Variants in NCAPD3 observed in about 807,000 individuals in gnomAD.
NCAPD3 encodes the protein non-SMC condensin II complex subunit D3.
NCAPD3 carries 105 observed loss-of-function variants against 182.9 expected under a neutral mutation model. The observed-to-expected ratio is 0.57, with a 90% CI of 0.49 to 0.68. The LOEUF (loss-of-function observed/expected upper bound fraction) is 0.68. NCAPD3 is among the 30% of genes least tolerant of loss of function. The pLI is 0.00. For synonymous variants in NCAPD3, 815 were observed against 679.9 expected, an observed-to-expected ratio of 1.20 and a Z score of -3.09; for missense variants, 1,944 against 1,837.0, an observed-to-expected ratio of 1.06 and a Z score of -1.07.
Position 134,210,297 on chromosome 11 carries a change from T to C in NCAPD3, c.540A>G (p.Gly180=), listed in dbSNP as rs780288813. ...CAATATCTTCTCTCCTGGGTGGCTT[T>C]CCCCTTTTTCTATGCCTCCCGGGGT... ...QANPGRHRKR[G]KPPRREDIEM... is the part of the protein sequence containing the mutation. Residue 180 remains glycine, a synonymous_variant, in exon 4 of 35, where the codon GGA becomes GGG. Transcript: ENST00000534548. The C allele has an allele frequency of 7.4e-6, 12 of 1,613,734 alleles. No homozygotes were observed. Among genetic ancestry groups the C allele is most frequent in the Non-Finnish European group, 9.3e-6 (11 of 1,179,932 alleles).
At position 134,160,071 on chromosome 11, in the gene NCAPD3, C is replaced by T. The variant is rs1943534282; in HGVS notation, c.3688G>A (p.Val1230Met). The T allele has an allele frequency of 6.2e-7, 1 of 1,613,740 alleles. No individual in the cohort carries two copies. Among genetic ancestry groups the T allele is most frequent in the Non-Finnish European group, 8.5e-7 (1 of 1,179,836 alleles). The change falls in exon 29 of 35, where the codon GTG becomes ATG. Residue 1230 changes from valine to methionine, a missense_variant. By Grantham distance (21) the Val-to-Met change is conservative (BLOSUM62 1). This residue lies in a region of NCAPD3 where 1,803 missense variants were observed against 1,674.6 expected (regional missense o/e 1.08). Transcript: ENST00000534548. ...AGCTCATCTCGGTAATCCTGCATCA[C>T]CTCCTGAAACAGAGCCAGGAGCATC... is the stretch of plus-strand genomic sequence containing the variant. ...LRELMHYLRE[V>M]MQDYRDELKD...
chr11:134,203,897 G>A lies in NCAPD3; in HGVS notation c.1225C>T (p.Arg409Trp), dbSNP rs1395245056. The change falls in exon 11 of 35, where the codon CGG becomes TGG. Residue 409 changes from arginine (R) to tryptophan (W), a missense_variant. By Grantham distance (101) the Arg-to-Trp change is moderately radical. Around this residue, in one of 3 missense-constraint regions of NCAPD3, gnomAD observed 1,803 missense variants for 1,674.6 expected, o/e 1.08. Coordinates refer to ENST00000534548, the MANE Select transcript of NCAPD3 (RefSeq NM_015261.3). The stretch of plus-strand genomic sequence containing the variant: ...AAGACAACATCAAGAGTAAAAACCC[G>A]GTGTGGGATCTGGTAAAGCAAGATC... ...KYSRSSKIPHRVFTLDVVLAL... is the reference protein window; with the variant it reads ...KYSRSSKIPHWVFTLDVVLAL... 3.7e-6 allele frequency: 6 copies of A among 1,613,508 alleles called. No individual in the cohort carries two copies. The highest frequency in any genetic ancestry group is 1.7e-5 in the Admixed American group (1 of 59,990).
At position 134,209,123 on chromosome 11, in the gene NCAPD3, A is replaced by G. The variant is rs115150094; in HGVS notation, c.794+22T>C. ...TGGTACACTATACTTAAATTGTAGC[A>G]CTGGAAGATTTAATGGCTCACCTGG... On this transcript the variant is annotated intron_variant, in intron 6 of 34. Transcript: ENST00000534548. 168 of 1,606,246 alleles carry G rather than the reference A, an allele frequency of 1.0e-4. 2 individuals carry two copies. The African/African-American group carries it at 2.1e-3, about 20-fold the overall frequency.
chr11:134,153,496 C>T, intron 32 of NCAPD3, 133 bp from the exon 33 acceptor site: 2 of 872,230 alleles, frequency 2.3e-6, no homozygotes, highest in Non-Finnish European at 3.8e-6. Flanking sequence ...TCCACTGGAC[C>T]CTGTCCCAGG....
At chr11:134,223,275 T>C (rs1478155950) in intron 1 of NCAPD3, 1 of 606,018 alleles carries the variant, frequency 1.7e-6, no homozygotes, top group East Asian at 2.8e-5. Flanking sequence ...TGCTCGAGGC[T>C]ATGATGAAGG....
At chr11:134,189,933 G>T (rs1011526141) in intron 16 of NCAPD3, among the ~76,000 whole-genome samples, 1 of 151,888 alleles carries the variant, frequency 6.6e-6, no homozygotes, top group Non-Finnish European at 1.5e-5. Context: ...TTTTAGGTGT[G>T]GCTCTTATAA....
intron 2 of NCAPD3, among the ~76,000 whole-genome samples, chr11:134,218,555 TC>T (rs1938114442): frequency 1.3e-5 from 2 of 152,182 alleles, no homozygotes; most frequent in African/African-American, 4.8e-5. Context: ...TTGCTCTTTT[TC>T]CCTTATTCCC....
At chr11:134,165,035 G>A (rs539303755) in intron 27 of NCAPD3, among the ~76,000 whole-genome samples, 2 of 150,484 alleles carry the variant, frequency 1.3e-5, no homozygotes, top group East Asian at 2.0e-4. Context: ...GATGAGCTTA[G>A]AGGAGCTGCA....
intron 14 of NCAPD3, 135 bp downstream of exon 14, chr11:134,194,530 C>T: frequency 1.8e-6 from 1 of 564,224 alleles, no homozygotes; most frequent in East Asian, 3.0e-5. Context: ...TCATATACAA[C>T]AGGATCAGGG....
At chr11:134,178,965 A>G in intron 20 of NCAPD3, 29 bp from the exon 21 acceptor site, 2 of 1,495,208 alleles carry the variant, frequency 1.3e-6, no homozygotes, top group Non-Finnish European at 1.9e-6. Flanking sequence ...TTACAGTAAA[A>G]ATAAGGCAAA....
At chr11:134,220,452 T>C (rs1322105609) in intron 2 of NCAPD3, 120 bp downstream of exon 2, 6 of 845,064 alleles carry the variant, frequency 7.1e-6, no homozygotes, top group African/African-American at 1.7e-5. Context: ...TTCTTTATGT[T>C]ACTCATATTG....
chr11:134,155,355 G>C (rs1943391007), intron 32 of NCAPD3, among the ~76,000 whole-genome samples: 1 of 152,140 alleles, frequency 6.6e-6, no homozygotes, highest in South Asian at 2.1e-4. Context: ...ACAGAACTGA[G>C]TGCTTTTAAA....
intron 15 of NCAPD3, among the ~76,000 whole-genome samples, chr11:134,193,750 T>C (rs1944569938): frequency 6.6e-6 from 1 of 152,074 alleles, no homozygotes; most frequent in Admixed American, 6.6e-5. Context: ...CAGGACTCTG[T>C]CTCAAAAATA....
chr11:134,164,585 T>C (rs1251653355), intron 27 of NCAPD3, among the ~76,000 whole-genome samples: 1 of 151,802 alleles, frequency 6.6e-6, no homozygotes, highest in Non-Finnish European at 1.5e-5. Context: ...CACACTCACT[T>C]GTGACATGAG....
rs1943177931 is a variant in NCAPD3, at chr11:134,150,322, CA to C, written c.*2621del. Reference sequence around the variant, plus strand: ...CTGCCTCTTCCTGAGATGACTAGGACAGTCTGTACCCAGAGGCCACCCAGAA... The same window carrying C: ...CTGCCTCTTCCTGAGATGACTAGGACGTCTGTACCCAGAGGCCACCCAGAA... On this transcript the variant is annotated 3_prime_UTR_variant, in exon 35 of 35. Transcript: ENST00000534548. 6.6e-6 allele frequency: 1 copy of C among 152,346 alleles called. No homozygotes were observed. 9.4% of individuals were successfully genotyped at this position (152,346 alleles called of 1,614,324 possible).
At chr11:134,164,872 C>T (rs1411645221) in intron 27 of NCAPD3, among the ~76,000 whole-genome samples, 2 of 146,558 alleles carry the variant, frequency 1.4e-5, no homozygotes, top group Admixed American at 1.4e-4. Context: ...GAGGGAGCTA[C>T]ATACTCACTT....
Position 134,158,486 on chromosome 11 carries a change from A to G in NCAPD3, c.3877T>C (p.Cys1293Arg). 6.2e-7 allele frequency: 1 copy of G among 1,613,714 alleles called. No individual in the cohort carries two copies. The highest frequency in any genetic ancestry group is 8.5e-7 in the Non-Finnish European group (1 of 1,179,924). Reference sequence around the variant, plus strand: ...GCAGGAACTGGCACTGTTTCTAAACACAGGGCAACCTGGTAGAGAAGATAA... The same window carrying G: ...GCAGGAACTGGCACTGTTTCTAAACGCAGGGCAACCTGGTAGAGAAGATAA... ...EVAPVAQVAL[C>R]LETVPVPAGQ... Residue 1293 changes from cysteine to arginine, a missense_variant, in exon 30 of 35, where the codon TGT (cysteine) becomes CGT (arginine). Physicochemically the swap from Cys to Arg is radical, Grantham distance 180. Transcript: ENST00000534548.
At position 134,223,854 on chromosome 11, in the gene NCAPD3, T is replaced by C. The variant is rs1170479645; in HGVS notation, c.64+9A>G. On this transcript the variant is annotated intron_variant, in intron 1 of 34. Transcript: ENST00000534548. ...CTGGCCCCCGGGCCTCCCGGCTGCA[T>C]CTGCTCACCGAGTCTAAGATCCAGC... The C allele has an allele frequency of 6.2e-7, 1 of 1,611,186 alleles. No homozygotes were observed. The highest frequency in any genetic ancestry group is 1.3e-5 in the African/African-American group (1 of 74,814).
chr11:134,157,797 T>C, intron 31 of NCAPD3, 131 bp downstream of exon 31: 1 of 1,066,910 alleles, frequency 9.4e-7, no homozygotes, highest in East Asian at 2.4e-5. Flanking sequence ...CCCATGATCC[T>C]AAAAGCCCAA....
Sources: allele counts gnomAD v4.1 joint callset (sites outside exome capture counted in the v4.1 genomes callset), GRCh38; gene constraint gnomAD v4.1.1; regional missense constraint gnomAD v4.1.1; transcripts MANE v1.5; gene names NCBI Gene and HGNC (gene_info 2026-07-23, HGNC 2026-07-21).